The following FAF1 variants were observed in gnomAD, a reference collection of about 807,000 sequenced individuals.
FAF1 encodes FAS-associated factor 1.
In FAF1, 25 loss-of-function variants were observed where a neutral mutation model predicts 92.5. That is an observed-to-expected ratio of 0.27 (90% CI 0.20 to 0.38). The LOEUF (loss-of-function observed/expected upper bound fraction) is 0.38, where lower values mean the gene tolerates loss of function less well. Ranked by LOEUF, FAF1 falls within the 10% of genes least tolerant of loss-of-function variation. The probability of loss-of-function intolerance (pLI) is 1.00; values close to 1 mark genes in which losing one functional copy is unlikely to be tolerated. For missense variants in FAF1, 636 were observed against 793.3 expected (o/e 0.80, Z 2.38); for synonymous variants, 234 against 273.2 (o/e 0.86, Z 1.42).
At chr1:50,694,158 A>C (rs1657084943) in intron 7 of FAF1, among the ~76,000 whole-genome samples, 1 of 152,000 alleles carries the variant, frequency 6.6e-6, no homozygotes, top group South Asian at 2.1e-4. Context: ...TTAGGATATG[A>C]GGAATAAGGG....
At chr1:50,781,001 T>A (rs187436684) in intron 4 of FAF1, 24 of 478,048 alleles carry the variant, frequency 5.0e-5, no homozygotes, top group Non-Finnish European at 8.8e-5. Flanking sequence ...GCAGCTTAGC[T>A]GATTGCCAAC....
At position 50,639,270 on chromosome 1, in the gene FAF1, T is replaced by A. The variant is rs142484923; in HGVS notation, c.744+16172A>T. 3.3e-3 allele frequency among the ~76,000 whole-genome samples: 497 copies of A among 152,318 alleles called. 6 individuals are homozygous for A. The highest frequency in any genetic ancestry group is 0.011 in the African/African-American group (459 of 41,574). On this transcript the variant is annotated intron_variant, in intron 8 of 18. Transcript: ENST00000396153. ...GCTCCAATAAAAATTCAAGTACAAA[T>A]CTTTGTGAGAACATGTTTTCATTCC... is the stretch of plus-strand genomic sequence containing the variant.
At chr1:50,945,980 A>T (rs1186125591) in intron 1 of FAF1, among the ~76,000 whole-genome samples, 1 of 152,246 alleles carries the variant, frequency 6.6e-6, no homozygotes, top group African/African-American at 2.4e-5. Context: ...AACCAGGACC[A>T]GGTTTAGGGT....
chr1:50,468,395 C>T lies in FAF1; in HGVS notation c.1869+7069G>A, dbSNP rs576988007. On this transcript the variant is annotated intron_variant, in intron 18 of 18. Coordinates refer to ENST00000396153, the MANE Select transcript of FAF1 (RefSeq NM_007051.3). ...GCAACCTCCGCCTCCCAGGTTCAAG[C>T]AATTCTCGTGCCTCAGCCTCCCAAG... Among the ~76,000 whole-genome samples the T allele has an allele frequency of 1.2e-4, 18 of 150,760 alleles. No individual in the cohort carries two copies. In the South Asian group the frequency reaches 3.6e-3, roughly 30 times the overall value.
chr1:50,859,557 T>C (rs1164799487), intron 1 of FAF1, among the ~76,000 whole-genome samples: 5 of 151,794 alleles, frequency 3.3e-5, no homozygotes, highest in African/African-American at 4.8e-5. Context: ...ACCAAGGAGA[T>C]GAAAGATCTC....
At chr1:50,716,708 C>T (rs1175859302) in intron 6 of FAF1, among the ~76,000 whole-genome samples, 2 of 152,072 alleles carry the variant, frequency 1.3e-5, no homozygotes, top group African/African-American at 2.4e-5. Context: ...GTCAGCACTC[C>T]GTAAAAACAC....
chr1:50,800,156 A>T (rs1175926172), intron 3 of FAF1, among the ~76,000 whole-genome samples: 2 of 152,228 alleles, frequency 1.3e-5, no homozygotes, highest in East Asian at 3.8e-4. Flanking sequence ...TAGTCATAAA[A>T]TATATTAAAT....
At chr1:50,561,844 TGGAC>T (rs1300386580) in intron 13 of FAF1, among the ~76,000 whole-genome samples, 5 of 94,270 alleles carry the variant, frequency 5.3e-5, no homozygotes, top group African/African-American at 2.0e-4. Context: ...GATGGACGGA[TGGAC>T]GGAAGGAAGG....
chr1:50,456,004 G>A (rs1411595546), intron 18 of FAF1, among the ~76,000 whole-genome samples: 2 of 152,090 alleles, frequency 1.3e-5, no homozygotes, highest in Admixed American at 1.3e-4. Context: ...GAGCCTGGGA[G>A]GCGGAGATGG....
At chr1:50,630,652 T>C (rs879273603) in intron 8 of FAF1, among the ~76,000 whole-genome samples, 2 of 152,112 alleles carry the variant, frequency 1.3e-5, no homozygotes, top group African/African-American at 2.4e-5. Context: ...TTAAAGACCT[T>C]CTCAGTGGAT....
chr1:50,892,597 T>C (rs2124701817), intron 1 of FAF1, among the ~76,000 whole-genome samples: 1 of 152,326 alleles, frequency 6.6e-6, no homozygotes, highest in Admixed American at 6.5e-5. Context: ...TTGTTTCTCT[T>C]CTCTTACTGC....
chr1:50,557,179 G>A (rs1649629358), intron 13 of FAF1, among the ~76,000 whole-genome samples: 1 of 152,140 alleles, frequency 6.6e-6, no homozygotes, highest in Non-Finnish European at 1.5e-5. Context: ...AAAACTATTT[G>A]CTGAAAAGGA....
chr1:50,903,335 T>A (rs1296236624), intron 1 of FAF1, among the ~76,000 whole-genome samples: 5 of 152,320 alleles, frequency 3.3e-5, no homozygotes, highest in Middle Eastern at 3.4e-3. Context: ...GGACTTTGTA[T>A]CTCAAAGTTC....
intron 2 of FAF1, among the ~76,000 whole-genome samples, chr1:50,817,119 G>T (rs2124613486): frequency 6.6e-6 from 1 of 152,220 alleles, no homozygotes; most frequent in African/African-American, 2.4e-5. Context: ...GTAATGTGAT[G>T]CCTCCAACTT....
chr1:50,457,152 A>G (rs1260658493), intron 18 of FAF1, among the ~76,000 whole-genome samples: 1 of 107,124 alleles, frequency 9.3e-6, no homozygotes, highest in Non-Finnish European at 2.0e-5. Context: ...AGGGAAAGTG[A>G]AAAAAAAAAA....
chr1:50,915,264 G>A (rs949232942), intron 1 of FAF1, among the ~76,000 whole-genome samples: 1 of 151,934 alleles, frequency 6.6e-6, no homozygotes, highest in African/African-American at 2.4e-5. Flanking sequence ...CGGCTACTTG[G>A]GAGGCTGAGG....
intron 1 of FAF1, among the ~76,000 whole-genome samples, chr1:50,923,386 C>G (rs941829076): frequency 4.6e-5 from 7 of 152,074 alleles, no homozygotes; most frequent in African/African-American, 1.4e-4. Context: ...TGCATTCCAG[C>G]CTGGGTGACA....
intron 1 of FAF1, among the ~76,000 whole-genome samples, chr1:50,935,492 A>C (rs1645079134): frequency 7.1e-6 from 1 of 140,386 alleles, no homozygotes. Context: ...TTTTTTTGAG[A>C]TGGAGTCTCA....
chr1:50,732,137 C>T (rs796208317), intron 6 of FAF1, among the ~76,000 whole-genome samples: 10 of 152,160 alleles, frequency 6.6e-5, no homozygotes, highest in African/African-American at 1.4e-4. Context: ...TGCAATAGCC[C>T]GATCTCAGCT....
Sources: gnomAD v4.1 joint callset for allele counts (sites outside exome capture counted in the v4.1 genomes callset) on GRCh38, gnomAD v4.1.1 for gene constraint, MANE v1.5 for transcripts, NCBI Gene and HGNC (gene_info 2026-07-23, HGNC 2026-07-21) for gene names.